Variants in NALF1 observed in about 807,000 individuals in gnomAD.
The protein encoded by NALF1 is family with sequence similarity 155 member A.
A neutral mutation model predicts 48.4 loss-of-function variants in NALF1; 3 were observed. That is an observed-to-expected ratio of 0.06 (90% CI 0.03 to 0.16). The LOEUF is 0.16. Ranked by LOEUF, NALF1 falls within the 10% of genes least tolerant of loss-of-function variation. NALF1 has a pLI of 1.00. For synonymous variants in NALF1, 262 were observed against 245.7 expected, an observed-to-expected ratio of 1.07 and a Z score of -0.62; for missense variants, 526 against 571.5, an observed-to-expected ratio of 0.92 and a Z score of 0.81.
At chr13:107,616,558 C>T (rs1407773440) in intron 1 of NALF1, among the ~76,000 whole-genome samples, 1 of 152,132 alleles carries the variant, frequency 6.6e-6, no homozygotes, top group Non-Finnish European at 1.5e-5. Context: ...CCAGGAAAGC[C>T]TCCTGCAAAC....
chr13:107,304,026 T>A (rs1457377123), intron 1 of NALF1, among the ~76,000 whole-genome samples: 2 of 152,206 alleles, frequency 1.3e-5, no homozygotes, highest in African/African-American at 4.8e-5. Context: ...TTTCTTCTGA[T>A]CATATCATTT....
chr13:107,430,628 C>A (rs1363964076), intron 1 of NALF1, among the ~76,000 whole-genome samples: 3 of 152,272 alleles, frequency 2.0e-5, no homozygotes, highest in African/African-American at 2.4e-5. Context: ...AGGACATGAA[C>A]TCATCATTTT....
At chr13:107,412,676 C>T (rs1009482358) in intron 1 of NALF1, among the ~76,000 whole-genome samples, 1 of 152,188 alleles carries the variant, frequency 6.6e-6, no homozygotes, top group African/African-American at 2.4e-5. Context: ...GGCTGTAACA[C>T]AGCATAAGAC....
At chr13:107,527,942 C>T (rs1876499239) in intron 1 of NALF1, among the ~76,000 whole-genome samples, 1 of 152,070 alleles carries the variant, frequency 6.6e-6, no homozygotes, top group Admixed American at 6.6e-5. Context: ...CAAAGCCTAA[C>T]TGAATTTTCT....
chr13:107,194,493 C>T (rs901896205), intron 2 of NALF1, among the ~76,000 whole-genome samples: 5 of 152,100 alleles, frequency 3.3e-5, no homozygotes, highest in Admixed American at 2.0e-4. Context: ...TATTCAATAA[C>T]TGGTGTTGAG....
chr13:107,491,642 T>G (rs1875116342), intron 1 of NALF1, among the ~76,000 whole-genome samples: 1 of 152,142 alleles, frequency 6.6e-6, no homozygotes, highest in African/African-American at 2.4e-5. Flanking sequence ...CATCAGAAAC[T>G]ACTGTTAAAA....
intron 1 of NALF1, among the ~76,000 whole-genome samples, chr13:107,489,211 C>A (rs1885378051): frequency 6.6e-6 from 1 of 152,088 alleles, no homozygotes; most frequent in African/African-American, 2.4e-5. Flanking sequence ...CTGCCTAAAG[C>A]AATTTATAGA....
intron 2 of NALF1, among the ~76,000 whole-genome samples, chr13:107,177,255 G>A (rs902917366): frequency 6.6e-6 from 1 of 152,148 alleles, no homozygotes; most frequent in African/African-American, 2.4e-5. Flanking sequence ...TTCATGGATT[G>A]GAAGAATCAG....
rs775657265 is a variant in NALF1 at position 107,866,368 on chromosome 13, G to T, written c.229C>A (p.Arg77=). The T allele has an allele frequency of 1.4e-6, 2 of 1,475,612 alleles. No homozygotes were observed. Among genetic ancestry groups the T allele is most frequent in the Non-Finnish European group, 1.8e-6 (2 of 1,110,130 alleles). The allele number at this position is 1,475,612 out of a possible 1,614,324, so 91.4% of individuals were successfully genotyped here. The change falls in exon 1 of 3, where the codon CGG becomes AGG. Residue 77 remains arginine, a synonymous_variant. Coordinates refer to ENST00000375915, the MANE Select transcript of NALF1 (RefSeq NM_001080396.3). The surrounding 1 kb of genome is among the most constrained non-coding windows in gnomAD (Gnocchi z 4.4). Reference sequence around the variant, plus strand: ...TGCTGCTGCTGCTGCTGCTGCTGCCGCTGCTGCTGCTGGTGCTCCTTGTCC... The same window carrying T: ...TGCTGCTGCTGCTGCTGCTGCTGCCTCTGCTGCTGCTGGTGCTCCTTGTCC... ...ARDKEHQQQQ[R]QQQQQQQQQR...
chr13:107,430,978 T>A (rs1884370129), intron 1 of NALF1, among the ~76,000 whole-genome samples: 1 of 152,200 alleles, frequency 6.6e-6, no homozygotes, highest in South Asian at 2.1e-4. Context: ...CCTGACTTTT[T>A]AATGATCGCC....
intron 1 of NALF1, among the ~76,000 whole-genome samples, chr13:107,287,203 C>T (rs1340568055): frequency 6.6e-6 from 1 of 152,214 alleles, no homozygotes; most frequent in African/African-American, 2.4e-5. Context: ...ACCGTCTCCC[C>T]AACCACCCAT....
chr13:107,451,908 A>G (rs74114544), intron 1 of NALF1, among the ~76,000 whole-genome samples: 2,957 of 152,286 alleles, frequency 0.019, 100 homozygotes, highest in African/African-American at 0.068. Flanking sequence ...AATCCCAGAA[A>G]GAGGGTATGT....
intron 1 of NALF1, among the ~76,000 whole-genome samples, chr13:107,500,786 G>A (rs1014495251): frequency 2.6e-5 from 4 of 151,816 alleles, no homozygotes; most frequent in Admixed American, 2.6e-4. Flanking sequence ...AAAAAATGAT[G>A]AGTTCATGTC....
chr13:107,292,190 T>C (rs1463536978), intron 1 of NALF1, among the ~76,000 whole-genome samples: 1 of 152,196 alleles, frequency 6.6e-6, no homozygotes, highest in African/African-American at 2.4e-5. Flanking sequence ...TGTTAAGTAT[T>C]TGTGTATCTA....
rs999387683 is a variant in NALF1, at chr13:107,856,731, G to A, written c.915+8951C>T. On this transcript the variant is annotated intron_variant, in intron 1 of 2. Coordinates refer to ENST00000375915, the MANE Select transcript of NALF1 (RefSeq NM_001080396.3). The stretch of plus-strand genomic sequence containing the variant: ...CATCTCACCATGCAAAGTCACTTCC[G>A]GGTGCCTCATCTTATGCCAAAGGAT... 3.9e-5 allele frequency among the ~76,000 whole-genome samples: 6 copies of A among 152,168 alleles called. No homozygotes were observed. In the East Asian group the frequency reaches 5.8e-4, roughly 15 times the overall value.
At chr13:107,246,213 C>T (rs1228014992) in intron 1 of NALF1, among the ~76,000 whole-genome samples, 3 of 152,220 alleles carry the variant, frequency 2.0e-5, no homozygotes, top group East Asian at 1.9e-4. Flanking sequence ...TTCCTTACAA[C>T]GATAACAACA....
chr13:107,345,421 G>A (rs570643879), intron 1 of NALF1, among the ~76,000 whole-genome samples: 2 of 152,140 alleles, frequency 1.3e-5, no homozygotes, highest in Non-Finnish European at 2.9e-5. Context: ...CAAATTAAGA[G>A]TAATTAAAAG....
chr13:107,724,692 G>C (rs1476697163), intron 1 of NALF1, among the ~76,000 whole-genome samples: 1 of 152,104 alleles, frequency 6.6e-6, no homozygotes, highest in African/African-American at 2.4e-5. Context: ...CTCCTGAATA[G>C]CTGGGACTAC....
At chr13:107,223,654 T>C (rs7983370) in intron 1 of NALF1, among the ~76,000 whole-genome samples, 67,303 of 152,010 alleles carry the variant, frequency 0.44, 15,196 homozygotes, top group Middle Eastern at 0.54. Context: ...TCAAGGACAG[T>C]TTCTCGTTGG....
Sources: gnomAD v4.1 joint callset for allele counts (sites outside exome capture counted in the v4.1 genomes callset) on GRCh38, gnomAD v4.1.1 for gene constraint, Gnocchi (gnomAD v3.1) non-coding constraint, MANE v1.5 for transcripts, NCBI Gene and HGNC (gene_info 2026-07-23, HGNC 2026-07-21) for gene names.